Variants in TENM3 observed in about 807,000 individuals in gnomAD.
TENM3 encodes the protein teneurin-3.
A neutral mutation model predicts 255.1 loss-of-function variants in TENM3; 63 were observed. The ratio of observed to expected loss-of-function variants is 0.25; its 90% CI spans 0.20 to 0.30. The LOEUF is 0.30. Ranked by LOEUF, TENM3 falls within the 10% of genes least tolerant of loss-of-function variation. TENM3 has a pLI of 1.00. For synonymous variants in TENM3, 1,306 were observed against 1,322.3 expected (o/e 0.99, Z 0.27); for missense variants, 2,929 against 3,461.1 (o/e 0.85, Z 3.86).
At chr4:182,076,461 C>G in the TENM3 span, among the ~76,000 whole-genome samples, 127 of 152,300 alleles carry the variant, frequency 8.3e-4, no homozygotes, top group African/African-American at 2.8e-3. Context: ...CTCGGCCTCC[C>G]AAAGCGCTGG....
At chr4:181,547,944 T>A in the TENM3 span, among the ~76,000 whole-genome samples, 383 of 152,252 alleles carry the variant, frequency 2.5e-3, 2 homozygotes, top group African/African-American at 8.6e-3. Flanking sequence ...TATCTCCTAA[T>A]GCTATCCCTC....
the TENM3 span, among the ~76,000 whole-genome samples, chr4:181,731,380 G>A: frequency 6.6e-6 from 1 of 152,020 alleles, no homozygotes; most frequent in African/African-American, 2.4e-5. Flanking sequence ...CTGAGACAGG[G>A]TCTCACTTTG....
At chr4:181,930,355 A>T in the TENM3 span, among the ~76,000 whole-genome samples, 1 of 152,218 alleles carries the variant, frequency 6.6e-6, no homozygotes. Context: ...ATCCCACAGA[A>T]ATACAAACTA....
intron 1 of TENM3, among the ~76,000 whole-genome samples, chr4:182,247,311 G>A (rs1284689786): frequency 6.6e-6 from 1 of 152,148 alleles, no homozygotes; most frequent in Non-Finnish European, 1.5e-5. Context: ...GTTGTCTTAC[G>A]AAGAGAAGAC....
At chr4:182,355,148 C>T (rs556142126) in intron 3 of TENM3, among the ~76,000 whole-genome samples, 1 of 152,200 alleles carries the variant, frequency 6.6e-6, no homozygotes, top group South Asian at 2.1e-4. Context: ...GAGAATGTTT[C>T]ACAAAGAAGG....
At chr4:182,236,711 G>A (rs1756920540) in intron 1 of TENM3, among the ~76,000 whole-genome samples, 1 of 152,210 alleles carries the variant, frequency 6.6e-6, no homozygotes, top group African/African-American at 2.4e-5. Flanking sequence ...TCAGAAGAGT[G>A]TGAATCTGTG....
chr4:182,550,049 A>T (rs1340372739), intron 3 of TENM3, among the ~76,000 whole-genome samples: 2 of 152,238 alleles, frequency 1.3e-5, no homozygotes, highest in African/African-American at 4.8e-5. Context: ...AAGGTCTAAT[A>T]AAAATTCCGC....
intron 2 of TENM3, among the ~76,000 whole-genome samples, chr4:182,339,533 G>A (rs1454665002): frequency 3.3e-5 from 5 of 152,172 alleles, no homozygotes; most frequent in African/African-American, 7.2e-5. Context: ...CCACCAGAAG[G>A]TGTGAGTAGA....
At chr4:181,701,024 G>GA in the TENM3 span, among the ~76,000 whole-genome samples, 1 of 152,170 alleles carries the variant, frequency 6.6e-6, no homozygotes, top group Non-Finnish European at 1.5e-5. Flanking sequence ...CTACAGAGGT[G>GA]AAAGTGGTGT....
chr4:182,044,850 C>T, the TENM3 span, among the ~76,000 whole-genome samples: 4 of 152,144 alleles, frequency 2.6e-5, no homozygotes, highest in African/African-American at 4.8e-5. Context: ...ATACTCAAGA[C>T]GGATAGTCCC....
chr4:182,077,870 C>A, the TENM3 span, among the ~76,000 whole-genome samples: 4 of 152,054 alleles, frequency 2.6e-5, no homozygotes, highest in Non-Finnish European at 5.9e-5. Flanking sequence ...AGTGGCCCGT[C>A]CCACTGTGGA....
At chr4:181,514,724 C>T in the TENM3 span, among the ~76,000 whole-genome samples, 2 of 152,160 alleles carry the variant, frequency 1.3e-5, no homozygotes, top group Non-Finnish European at 2.9e-5. Context: ...AAACCATCTG[C>T]TTAGAAAGGC....
the TENM3 span, among the ~76,000 whole-genome samples, chr4:181,721,382 G>A: frequency 2.6e-5 from 4 of 151,556 alleles, no homozygotes; most frequent in East Asian, 3.9e-4. Flanking sequence ...TCTGGCAGTC[G>A]TATAGAAGTG....
chr4:182,400,945 G>C (rs1029401593), intron 3 of TENM3, among the ~76,000 whole-genome samples: 1 of 152,198 alleles, frequency 6.6e-6, no homozygotes, highest in African/African-American at 2.4e-5. Flanking sequence ...TTCAAGATTT[G>C]ACTTTTGATA....
chr4:182,387,765 G>GA (rs2150961130), intron 3 of TENM3, among the ~76,000 whole-genome samples: 1 of 151,496 alleles, frequency 6.6e-6, no homozygotes, highest in African/African-American at 2.4e-5. Flanking sequence ...CCACCAGAAG[G>GA]AAAAAACTCC....
upstream of TENM3, among the ~76,000 whole-genome samples, chr4:182,240,363 G>A (rs568172372): frequency 3.3e-5 from 5 of 152,214 alleles, no homozygotes; most frequent in East Asian, 3.9e-4. Context: ...ACAGAAGAGC[G>A]CTCCCCACAT....
chr4:181,856,513 T>C, the TENM3 span, among the ~76,000 whole-genome samples: 3 of 152,224 alleles, frequency 2.0e-5, no homozygotes, highest in East Asian at 3.9e-4. Context: ...TTATCTTCTG[T>C]AGTGTACCCT....
intron 1 of TENM3, among the ~76,000 whole-genome samples, chr4:182,229,636 A>G (rs1756430488): frequency 6.7e-6 from 1 of 149,812 alleles, no homozygotes; most frequent in Admixed American, 6.6e-5. Context: ...ATATATATAT[A>G]CACACACACA....
chr4:182,118,551 G>T, the TENM3 span, among the ~76,000 whole-genome samples: 1 of 152,020 alleles, frequency 6.6e-6, no homozygotes, highest in Non-Finnish European at 1.5e-5. Context: ...AAAGTGCTAG[G>T]ATTACAGGCA....
Sources: gnomAD v4.1 joint callset for allele counts (sites outside exome capture counted in the v4.1 genomes callset) on GRCh38, gnomAD v4.1.1 for gene constraint, MANE v1.5 for transcripts, NCBI Gene and HGNC (gene_info 2026-07-23, HGNC 2026-07-21) for gene names.